KIN: variants seen among roughly 807,000 people sequenced by gnomAD.
KIN encodes the protein Kin17 DNA and RNA binding protein.
A neutral mutation model predicts 63.0 loss-of-function variants in KIN; 47 were observed. The ratio of observed to expected loss-of-function variants is 0.75; its 90% CI spans 0.59 to 0.95. The LOEUF (loss-of-function observed/expected upper bound fraction) is 0.95, where lower values mean the gene tolerates loss of function less well. Among genes scored for constraint, KIN ranks in the 40% least tolerant of loss-of-function variants. The pLI, the probability that KIN is intolerant of heterozygous loss-of-function variation, is 0.00. For missense variants in KIN, 408 were observed against 460.9 expected (o/e 0.89, Z 1.05); for synonymous variants, 160 against 157.7 (o/e 1.01, Z -0.11).
intron 4 of KIN, among the ~76,000 whole-genome samples, chr10:7,779,564 C>A (rs527775691): frequency 6.6e-6 from 1 of 152,056 alleles, no homozygotes; most frequent in Non-Finnish European, 1.5e-5. Context: ...AAAAGAAAAA[C>A]GGATGGTTGC....
At chr10:7,780,221 C>A (rs928201722) in intron 3 of KIN, 43 bp from the exon 4 acceptor site, 3 of 1,610,240 alleles carry the variant, frequency 1.9e-6, no homozygotes, top group Admixed American at 3.4e-5. Flanking sequence ...GAAGATTATG[C>A]CATTTATAAA....
In KIN at chr10:7,787,909, G is replaced by A. The variant is rs1420470418; in HGVS notation, c.25C>T (p.Pro9Ser). 6.2e-7 allele frequency: 1 copy of A among 1,614,072 alleles called. No individual in the cohort carries two copies. The highest frequency in any genetic ancestry group is 1.1e-5 in the South Asian group (1 of 91,082). The change falls in exon 1 of 13, where the codon CCC becomes TCC. Residue 9 changes from proline (P) to serine (S), a missense_variant. Pro to Ser is a moderately conservative substitution (Grantham distance 74, BLOSUM62 -1). This residue lies in a region of KIN where 110 missense variants were observed against 164.9 expected (regional missense o/e 0.67). Coordinates refer to ENST00000379562, the MANE Select transcript of KIN (RefSeq NM_012311.4). MGKSDFLT[P>S]KAIANRIKSK... Reference sequence around the variant, plus strand: ...TTGATCCTGTTGGCGATAGCCTTGGGAGTAAGAAAATCCGACTTCCCCATG... The same window carrying A: ...TTGATCCTGTTGGCGATAGCCTTGGAAGTAAGAAAATCCGACTTCCCCATG...
At chr10:7,781,955 G>A (rs965017731) in intron 2 of KIN, among the ~76,000 whole-genome samples, 5 of 152,082 alleles carry the variant, frequency 3.3e-5, no homozygotes, top group Admixed American at 1.3e-4. Context: ...CTACTTGGGA[G>A]GCCAAGGCAG....
Position 7,766,062 on chromosome 10 carries a change from C to T in KIN, c.840G>A (p.Trp280Ter). The T allele has an allele frequency of 3.1e-6, 5 of 1,610,206 alleles. No homozygotes were observed. Among genetic ancestry groups the T allele is most frequent in the Non-Finnish European group, 4.2e-6 (5 of 1,177,738 alleles). The part of the protein sequence containing the change: ...EKKRTARTDY[W>*]LQPEIIVKII... The stretch of plus-strand genomic sequence containing the variant: ...CCAACTGAATACTTACAGGCTGTAG[C>T]CAGTAGTCTGTTCGGGCAGTTCTTT... Residue 280 changes from tryptophan (W) to a stop codon, truncating the protein, a stop_gained, in exon 9 of 13, where the codon TGG becomes TGA. Coordinates refer to ENST00000379562, the MANE Select transcript of KIN (RefSeq NM_012311.4). LOFTEE classifies it high-confidence loss of function.
intron 12 of KIN, among the ~76,000 whole-genome samples, chr10:7,759,346 TAA>T (rs1835394035): frequency 6.6e-6 from 1 of 152,206 alleles, no homozygotes; most frequent in African/African-American, 2.4e-5. Flanking sequence ...ACTTTATTTA[TAA>T]GTCAGAGTTC....
In KIN at chr10:7,775,801, T is replaced by G. The variant is rs1403657512; in HGVS notation, c.559-2A>C. ...TAATTCCGTAAAAGTAGGGACCTCC[T>G]AAAAAAAAGAAAGTTTTAAGGTTTT... is the stretch of plus-strand genomic sequence containing the variant. On this transcript the variant is annotated splice_acceptor_variant, in intron 5 of 12. Coordinates refer to ENST00000379562, the MANE Select transcript of KIN (RefSeq NM_012311.4). LOFTEE classifies it high-confidence loss of function. The G allele has an allele frequency of 6.5e-7, 1 of 1,539,694 alleles. No individual in the cohort carries two copies. The highest frequency in any genetic ancestry group is 8.8e-7 in the Non-Finnish European group (1 of 1,133,602).
In KIN at chr10:7,763,720, T is replaced by C. The variant is rs1369557217; in HGVS notation, c.918+3A>G. On this transcript the variant is annotated splice_donor_region_variant and intron_variant, in intron 10 of 12. Transcript: ENST00000379562. ...AATTCCATTCATAATTGCACGTCCT[T>C]ACCTTAACAATAGCCTTTTTCTTAT... 3.4e-6 allele frequency: 5 copies of C among 1,467,590 alleles called. No homozygotes were observed. Among genetic ancestry groups the C allele is most frequent in the Non-Finnish European group, 4.7e-6 (5 of 1,060,082 alleles). 90.9% of individuals were successfully genotyped at this position (1,467,590 alleles called of 1,614,324 possible). A position where few individuals can be genotyped will look rare whatever the true frequency, so the allele number is the denominator to read the frequency against.
In KIN at chr10:7,771,014, C is replaced by T. The variant is rs144803201; in HGVS notation, c.669-1669G>A. Reference sequence around the variant, plus strand: ...TTCCATTTACCTTTGTAAAATTTTACTCACTGGGTTTTGACCTGTAATTCA... The same window carrying T: ...TTCCATTTACCTTTGTAAAATTTTATTCACTGGGTTTTGACCTGTAATTCA... On this transcript the variant is annotated intron_variant, in intron 7 of 12. Coordinates refer to ENST00000379562, the MANE Select transcript of KIN (RefSeq NM_012311.4). Among the ~76,000 whole-genome samples the T allele has an allele frequency of 1.6e-3, 248 of 152,222 alleles. 1 individual carries two copies. The highest frequency in any genetic ancestry group is 5.8e-3 in the African/African-American group (240 of 41,532).
rs1276967176 is a variant in KIN at position 7,753,158 on chromosome 10, C to CA, written c.*2921dup. ...TCATTTTGCTTAGCATAAACTCTAT[C>CA]AAGTTCTACAGACTCAGAGGGAAAA... On this transcript the variant is annotated 3_prime_UTR_variant, in exon 13 of 13. Coordinates refer to ENST00000379562, the MANE Select transcript of KIN (RefSeq NM_012311.4). 2 of 152,216 alleles carry CA rather than the reference C, an allele frequency of 1.3e-5. No individual in the cohort carries two copies. Among genetic ancestry groups the CA allele is most frequent in the African/African-American group, 4.8e-5 (2 of 41,448 alleles). 9.4% of individuals were successfully genotyped at this position (152,216 alleles called of 1,614,324 possible). A position where few individuals can be genotyped will look rare whatever the true frequency, so the allele number is the denominator to read the frequency against.
chr10:7,764,421 C>A (rs1835499003), intron 9 of KIN, among the ~76,000 whole-genome samples: 1 of 152,094 alleles, frequency 6.6e-6, no homozygotes. Context: ...ACCATTTTTT[C>A]CTGATTTGGA....
chr10:7,769,761 G>A (rs1409183054), intron 7 of KIN, among the ~76,000 whole-genome samples: 4 of 152,118 alleles, frequency 2.6e-5, no homozygotes, highest in African/African-American at 9.7e-5. Flanking sequence ...ATCTATAAAC[G>A]AAGATAATAA....
intron 12 of KIN, among the ~76,000 whole-genome samples, chr10:7,758,405 T>C (rs1017894502): frequency 2.0e-5 from 3 of 152,188 alleles, no homozygotes; most frequent in African/African-American, 7.2e-5. Flanking sequence ...TACATGTTGC[T>C]TTGCAATCAA....
At position 7,783,128 on chromosome 10, in the gene KIN, T is replaced by C; in HGVS notation, c.162A>G (p.Leu54=). 1 of 1,602,328 alleles carries C rather than the reference T, an allele frequency of 6.2e-7. No individual in the cohort carries two copies. Among genetic ancestry groups the C allele is most frequent in the Non-Finnish European group, 8.5e-7 (1 of 1,174,562 alleles). The change falls in exon 2 of 13, where the codon CTA becomes CTG. Residue 54 remains leucine (L), a synonymous_variant. Coordinates refer to ENST00000379562, the MANE Select transcript of KIN (RefSeq NM_012311.4). ...GCTGAGGATTTTCTGAAGCCAGCAA[T>C]AGTTGTCTCTGATGAGATTCGGACA... ...HCMSESHQRQ[L]LLASENPQQF... is the part of the protein sequence containing the mutation.
chr10:7,760,244 A>T (rs1171335677), intron 11 of KIN, among the ~76,000 whole-genome samples: 1 of 152,176 alleles, frequency 6.6e-6, no homozygotes, highest in African/African-American at 2.4e-5. Flanking sequence ...TTACTTTTAG[A>T]CTGCAAAGAA....
At chr10:7,785,135 G>A (rs962172562) in intron 1 of KIN, among the ~76,000 whole-genome samples, 5 of 151,840 alleles carry the variant, frequency 3.3e-5, no homozygotes, top group African/African-American at 9.7e-5. Context: ...TGTGGTCCCA[G>A]CTACTTGGGA....
At chr10:7,787,086 A>T (rs1274216722) in intron 1 of KIN, among the ~76,000 whole-genome samples, 1 of 152,090 alleles carries the variant, frequency 6.6e-6, no homozygotes, top group Non-Finnish European at 1.5e-5. Context: ...GTGTAGCCAT[A>T]TAAGGCTTTT....
rs570932751 is a variant in KIN, at chr10:7,753,947, C to G, written c.*2133G>C. 59 of 429,674 alleles carry G rather than the reference C, an allele frequency of 1.4e-4. No individual in the cohort carries two copies. Among genetic ancestry groups the G allele is most frequent in the Non-Finnish European group, 2.5e-4 (53 of 211,484 alleles). 26.6% of individuals were successfully genotyped at this position (429,674 alleles called of 1,614,324 possible). On this transcript the variant is annotated 3_prime_UTR_variant, in exon 13 of 13. Transcript: ENST00000379562. ...AGAGAGAGATCCCAGGGTTTGGCACCATACCTGTGTCTGACGTCAGCTTAT... is the reference window on the plus strand; with the variant it reads ...AGAGAGAGATCCCAGGGTTTGGCACGATACCTGTGTCTGACGTCAGCTTAT...
intron 2 of KIN, among the ~76,000 whole-genome samples, chr10:7,780,649 C>T (rs1835878496): frequency 6.6e-6 from 1 of 152,178 alleles, no homozygotes; most frequent in Non-Finnish European, 1.5e-5. Context: ...TCTCCACCTG[C>T]CTCAGCCTCC....
intron 10 of KIN, 37 bp from the exon 11 acceptor site, chr10:7,762,593 A>T (rs757653978): frequency 1.7e-6 from 2 of 1,149,624 alleles, no homozygotes; most frequent in Non-Finnish European, 2.6e-6. Context: ...AATAGAAGAA[A>T]TATGTGCACA....
Sources: allele counts gnomAD v4.1 joint callset (sites outside exome capture counted in the v4.1 genomes callset), GRCh38; gene constraint gnomAD v4.1.1; regional missense constraint gnomAD v4.1.1; transcripts MANE v1.5; gene names NCBI Gene and HGNC (gene_info 2026-07-23, HGNC 2026-07-21).